CSMD1: variants seen among roughly 807,000 people sequenced by gnomAD.
CSMD1 encodes the protein CUB and sushi domain-containing protein 1.
A neutral mutation model predicts 417.5 loss-of-function variants in CSMD1; 213 were observed. The observed-to-expected ratio is 0.51, with a 90% CI of 0.46 to 0.57. The LOEUF is 0.57. CSMD1 is among the 20% of genes least tolerant of loss of function. CSMD1 has a pLI of 0.00. For missense variants in CSMD1, 6,923 were observed against 4,529.7 expected (o/e 1.53, Z -15.17); for synonymous variants, 2,862 against 1,736.8 (o/e 1.65, Z -16.11).
intron 23 of CSMD1, among the ~76,000 whole-genome samples, chr8:3,314,605 C>A (rs1310417478): frequency 6.6e-6 from 1 of 152,160 alleles, no homozygotes; most frequent in Non-Finnish European, 1.5e-5. Flanking sequence ...CTAGTGATTT[C>A]ATTTTAAGTC....
chr8:3,861,936 T>A (rs1563154534), intron 5 of CSMD1, among the ~76,000 whole-genome samples: 1 of 152,166 alleles, frequency 6.6e-6, no homozygotes, highest in Non-Finnish European at 1.5e-5. Flanking sequence ...TCCTGGAAAG[T>A]CAATCTTTGT....
At chr8:3,967,177 C>T (rs1271410613) in intron 5 of CSMD1, among the ~76,000 whole-genome samples, 1 of 152,194 alleles carries the variant, frequency 6.6e-6, no homozygotes. Flanking sequence ...TATTCCTTTT[C>T]ACTTTCTAAC....
intron 1 of CSMD1, among the ~76,000 whole-genome samples, chr8:4,758,794 G>A (rs866029009): frequency 3.2e-4 from 49 of 152,050 alleles, no homozygotes; most frequent in African/African-American, 1.1e-3. Context: ...AGAACAGCAT[G>A]GGAGAACCTT....
intron 1 of CSMD1, among the ~76,000 whole-genome samples, chr8:4,677,404 G>A (rs1189228775): frequency 6.6e-6 from 1 of 151,916 alleles, no homozygotes; most frequent in Non-Finnish European, 1.5e-5. Context: ...ATTTGAATTA[G>A]AGACAGATTC....
chr8:4,421,208 G>A (rs779895671), intron 2 of CSMD1, among the ~76,000 whole-genome samples: 1 of 152,262 alleles, frequency 6.6e-6, no homozygotes, highest in African/African-American at 2.4e-5. Context: ...CAATACAGAA[G>A]ACAAGTCAGT....
chr8:4,227,944 C>A (rs987196235), intron 3 of CSMD1, among the ~76,000 whole-genome samples: 1 of 151,798 alleles, frequency 6.6e-6, no homozygotes, highest in Non-Finnish European at 1.5e-5. Flanking sequence ...CACACACCCT[C>A]CATCCTGCAT....
chr8:3,412,117 TAC>T (rs1278073993), intron 12 of CSMD1, among the ~76,000 whole-genome samples: 1 of 114,236 alleles, frequency 8.8e-6, no homozygotes, highest in African/African-American at 3.4e-5. Context: ...TATACATATA[TAC>T]ACACGTATAT....
chr8:4,434,574 G>A (rs1364488702), intron 2 of CSMD1, among the ~76,000 whole-genome samples: 4 of 152,134 alleles, frequency 2.6e-5, no homozygotes, highest in Non-Finnish European at 5.9e-5. Context: ...AGAGGAGGAG[G>A]AAGTTCATGT....
At chr8:4,691,450 G>A (rs1038790625) in intron 1 of CSMD1, among the ~76,000 whole-genome samples, 70 of 152,198 alleles carry the variant, frequency 4.6e-4, no homozygotes, top group African/African-American at 1.6e-3. Flanking sequence ...CATCCTTCTT[G>A]ACAATTTTAT....
chr8:4,166,617 T>A (rs1291662968), intron 3 of CSMD1, among the ~76,000 whole-genome samples: 1 of 152,036 alleles, frequency 6.6e-6, no homozygotes, highest in Admixed American at 6.5e-5. Context: ...AACTGTAGGA[T>A]GGGAGCAGGG....
At chr8:3,051,892 A>T (rs1282461746) in intron 50 of CSMD1, among the ~76,000 whole-genome samples, 1 of 152,122 alleles carries the variant, frequency 6.6e-6, no homozygotes. Flanking sequence ...TTCAGAAAGT[A>T]CTCCAATTTG....
intron 3 of CSMD1, among the ~76,000 whole-genome samples, chr8:4,120,493 C>T (rs1278959750): frequency 6.6e-6 from 1 of 152,138 alleles, no homozygotes; most frequent in African/African-American, 2.4e-5. Flanking sequence ...GAAGAAGAAC[C>T]AGGAGATCAA....
rs375472459 is a variant in CSMD1, at chr8:3,269,696, T to G, written c.4153+14448A>C. On this transcript the variant is annotated intron_variant, in intron 26 of 69. Transcript: ENST00000635120. Reference sequence around the variant, plus strand: ...TTTAACCCCCAGAGTAAAGGTCAGCTTTGTGTGCTGAACTCCATTTTCGTG... The same window carrying G: ...TTTAACCCCCAGAGTAAAGGTCAGCGTTGTGTGCTGAACTCCATTTTCGTG... 4.6e-5 allele frequency among the ~76,000 whole-genome samples: 7 copies of G among 152,298 alleles called. No homozygotes were observed. In the East Asian group the frequency reaches 7.7e-4, roughly 17 times the overall value.
At chr8:4,255,262 T>A (rs1803373452) in intron 3 of CSMD1, among the ~76,000 whole-genome samples, 1 of 152,174 alleles carries the variant, frequency 6.6e-6, no homozygotes, top group South Asian at 2.1e-4. Context: ...CAGTGAATAT[T>A]TTCTTTATCA....
intron 2 of CSMD1, among the ~76,000 whole-genome samples, chr8:4,442,042 C>G (rs1798513568): frequency 6.6e-6 from 1 of 152,138 alleles, no homozygotes; most frequent in Admixed American, 6.5e-5. Flanking sequence ...TCTAAGAGGT[C>G]TGGAAACCCA....
intron 5 of CSMD1, among the ~76,000 whole-genome samples, chr8:3,894,394 G>A (rs985774214): frequency 6.6e-6 from 1 of 152,020 alleles, no homozygotes; most frequent in African/African-American, 2.4e-5. Context: ...CATCCTTCAT[G>A]GCTTAGACAT....
intron 1 of CSMD1, among the ~76,000 whole-genome samples, chr8:4,881,089 C>T (rs1803367337): frequency 6.6e-6 from 1 of 152,006 alleles, no homozygotes; most frequent in Non-Finnish European, 1.5e-5. Context: ...CTACTCCAGC[C>T]CACATTGTTC....
chr8:4,445,957 G>A (rs1154066), intron 2 of CSMD1, among the ~76,000 whole-genome samples: 5 of 152,230 alleles, frequency 3.3e-5, no homozygotes, highest in African/African-American at 1.2e-4. Flanking sequence ...TCGGTGTTGA[G>A]GTAGACGAAA....
At chr8:3,040,414 A>G (rs1811008137) in intron 50 of CSMD1, among the ~76,000 whole-genome samples, 1 of 142,852 alleles carries the variant, frequency 7.0e-6, no homozygotes, top group Non-Finnish European at 1.5e-5. Flanking sequence ...ATATATATAT[A>G]ACAGAAATAT....
Sources: allele counts gnomAD v4.1 joint callset (sites outside exome capture counted in the v4.1 genomes callset), GRCh38; gene constraint gnomAD v4.1.1; transcripts MANE v1.5; gene names NCBI Gene and HGNC (gene_info 2026-07-23, HGNC 2026-07-21).